The following AGBL4 variants were observed in gnomAD, a reference collection of about 807,000 sequenced individuals.
The protein encoded by AGBL4 is cytosolic carboxypeptidase 6.
AGBL4 carries 58 observed loss-of-function variants against 66.4 expected under a neutral mutation model. That is an observed-to-expected ratio of 0.87 (90% CI 0.71 to 1.09). AGBL4 has a LOEUF of 1.09. AGBL4 is among the 50% of genes least tolerant of loss of function. AGBL4 has a pLI of 0.00. For missense variants in AGBL4, 579 were observed against 631.0 expected, an observed-to-expected ratio of 0.92 and a Z score of 0.88; for synonymous variants, 234 against 222.9, an observed-to-expected ratio of 1.05 and a Z score of -0.44.
intron 4 of AGBL4, among the ~76,000 whole-genome samples, chr1:49,196,287 G>A (rs1647252057): frequency 6.6e-6 from 1 of 152,090 alleles, no homozygotes; most frequent in Non-Finnish European, 1.5e-5. Flanking sequence ...CAAGTTGAGA[G>A]TCTTTCTTCT....
At chr1:49,969,362 T>C (rs377406804) in intron 1 of AGBL4, among the ~76,000 whole-genome samples, 2 of 152,170 alleles carry the variant, frequency 1.3e-5, no homozygotes, top group South Asian at 4.1e-4. Context: ...ATGTGTGGTG[T>C]GTCTGTGTGA....
At chr1:48,638,376 C>A (rs772647289) in intron 8 of AGBL4, among the ~76,000 whole-genome samples, 4 of 152,150 alleles carry the variant, frequency 2.6e-5, no homozygotes, top group African/African-American at 9.7e-5. Context: ...TTAAATGCAC[C>A]TGTAGGCTTC....
At chr1:48,885,585 A>G (rs1650241809) in intron 5 of AGBL4, among the ~76,000 whole-genome samples, 1 of 152,210 alleles carries the variant, frequency 6.6e-6, no homozygotes, top group Admixed American at 6.5e-5. Context: ...TTCAAAAAGC[A>G]GAAAAAAATG....
chr1:49,017,224 G>A (rs1662889313), intron 5 of AGBL4, among the ~76,000 whole-genome samples: 1 of 152,154 alleles, frequency 6.6e-6, no homozygotes, highest in Non-Finnish European at 1.5e-5. Flanking sequence ...GAGAATTAGA[G>A]CATCCTTTTA....
chr1:49,378,065 C>T (rs1223745916), intron 3 of AGBL4, among the ~76,000 whole-genome samples: 1 of 148,470 alleles, frequency 6.7e-6, no homozygotes, highest in African/African-American at 2.6e-5. Context: ...CCAACACAAA[C>T]TTCATGCCTT....
chr1:49,871,455 T>C (rs1646836646), intron 1 of AGBL4, among the ~76,000 whole-genome samples: 1 of 152,068 alleles, frequency 6.6e-6, no homozygotes, highest in Non-Finnish European at 1.5e-5. Flanking sequence ...TGACTAATTA[T>C]ATAATGACCT....
At chr1:48,758,825 T>A in intron 6 of AGBL4, 1 of 1,353,668 alleles carries the variant, frequency 7.4e-7, no homozygotes, top group Non-Finnish European at 9.9e-7. Context: ...CCTCTCCCCT[T>A]TCCCTTCCTG....
intron 4 of AGBL4, among the ~76,000 whole-genome samples, chr1:49,183,178 A>G (rs1003418824): frequency 6.6e-6 from 1 of 152,238 alleles, no homozygotes; most frequent in African/African-American, 2.4e-5. Flanking sequence ...TAAGGATTAC[A>G]AAGAAATGTA....
intron 6 of AGBL4, among the ~76,000 whole-genome samples, chr1:48,835,677 A>G (rs1337766532): frequency 6.6e-6 from 1 of 152,158 alleles, no homozygotes; most frequent in Non-Finnish European, 1.5e-5. Flanking sequence ...TTCTAAATAT[A>G]CAATCAAAAA....
chr1:48,777,077 T>A, intron 6 of AGBL4: 10 of 288,516 alleles, frequency 3.5e-5, no homozygotes, highest in East Asian at 6.6e-5. Context: ...ATGAGGGGGG[T>A]TTGGAAGCGC....
At chr1:49,439,606 G>A (rs746085848) in intron 3 of AGBL4, among the ~76,000 whole-genome samples, 1 of 152,162 alleles carries the variant, frequency 6.6e-6, no homozygotes, top group Non-Finnish European at 1.5e-5. Context: ...ATTAACACCT[G>A]AGTCAGTGGG....
At chr1:49,985,476 A>G (rs546837800) in intron 1 of AGBL4, among the ~76,000 whole-genome samples, 237 of 152,102 alleles carry the variant, frequency 1.6e-3, no homozygotes, top group African/African-American at 5.3e-3. Context: ...AAGTGAAGAG[A>G]AAAAAAATCA....
chr1:49,563,218 A>G (rs571380943), intron 3 of AGBL4, among the ~76,000 whole-genome samples: 30 of 78,442 alleles, frequency 3.8e-4, no homozygotes, highest in African/African-American at 1.7e-3. Context: ...GGCTGAGACA[A>G]TGGGGTTTCT....
At chr1:48,783,720 C>A (rs990057250) in intron 6 of AGBL4, among the ~76,000 whole-genome samples, 4 of 152,118 alleles carry the variant, frequency 2.6e-5, no homozygotes, top group African/African-American at 9.7e-5. Flanking sequence ...CAGGTCCTAT[C>A]CCCTGAGACC....
intron 7 of AGBL4, among the ~76,000 whole-genome samples, chr1:48,662,907 C>A (rs1646130611): frequency 6.6e-6 from 1 of 152,200 alleles, no homozygotes; most frequent in South Asian, 2.1e-4. Context: ...TAACTTCGTT[C>A]AGCCCTCCCT....
At chr1:48,693,325 G>A (rs1646663698) in intron 6 of AGBL4, among the ~76,000 whole-genome samples, 1 of 152,198 alleles carries the variant, frequency 6.6e-6, no homozygotes, top group Non-Finnish European at 1.5e-5. Flanking sequence ...TGACAGAGAG[G>A]AAGCCAGGCT....
intron 1 of AGBL4, among the ~76,000 whole-genome samples, chr1:49,948,287 A>T (rs1390366389): frequency 9.1e-6 from 1 of 109,456 alleles, no homozygotes; most frequent in African/African-American, 3.9e-5. Context: ...AATATATATA[A>T]ATATATAAAA....
chr1:49,548,305 G>A (rs1652671346), intron 3 of AGBL4, among the ~76,000 whole-genome samples: 2 of 152,166 alleles, frequency 1.3e-5, no homozygotes, highest in Admixed American at 6.5e-5. Flanking sequence ...TCTTTCTCTT[G>A]TCTGATTGCT....
chr1:49,627,996 T>C (rs913392008), intron 3 of AGBL4, among the ~76,000 whole-genome samples: 1 of 152,178 alleles, frequency 6.6e-6, no homozygotes, highest in Admixed American at 6.5e-5. Context: ...GCTGGGCCTG[T>C]CCAATTTTAT....
Sources: allele counts gnomAD v4.1 joint callset (sites outside exome capture counted in the v4.1 genomes callset), GRCh38; gene constraint gnomAD v4.1.1; transcripts MANE v1.5; gene names NCBI Gene and HGNC (gene_info 2026-07-23, HGNC 2026-07-21).